Variants in UNC80 observed in about 807,000 individuals in gnomAD.
UNC80 encodes protein unc-80 homolog.
Under a neutral mutation model 384.6 loss-of-function variants are expected in UNC80, and 164 were observed. The ratio of observed to expected loss-of-function variants is 0.43; its 90% CI spans 0.38 to 0.49. The LOEUF (loss-of-function observed/expected upper bound fraction) is 0.49, where lower values mean the gene tolerates loss of function less well. Among genes scored for constraint, UNC80 ranks in the 20% least tolerant of loss-of-function variants. UNC80 has a pLI of 0.00. For missense variants in UNC80, 3,330 were observed against 4,143.0 expected (o/e 0.80, Z 5.39); for synonymous variants, 1,486 against 1,527.8 (o/e 0.97, Z 0.64).
In UNC80 at chr2:209,935,826, C is replaced by T. The variant is rs1415320238; in HGVS notation, c.6273+18C>T. The stretch of plus-strand genomic sequence containing the variant: ...TGTTGAAGGTAGGAATGACTTTTAA[C>T]AGAAACAATTTTTAAGGACAATGCT... On this transcript the variant is annotated intron_variant, in intron 40 of 64. Coordinates refer to ENST00000673920, the MANE Select transcript of UNC80 (RefSeq NM_001371986.1). 5 of 1,494,168 alleles carry T rather than the reference C, an allele frequency of 3.3e-6. No individual in the cohort carries two copies. In the Admixed American group the frequency reaches 8.6e-5, roughly 26 times the overall value. The allele number at this position is 1,494,168 out of a possible 1,614,324, so 92.6% of individuals were successfully genotyped here. A position where few individuals can be genotyped will look rare whatever the true frequency, so the allele number is the denominator to read the frequency against.
chr2:209,809,591 TC>T, intron 7 of UNC80: 1 of 757,140 alleles, frequency 1.3e-6, no homozygotes. Flanking sequence ...CCCTAGAGGC[TC>T]CCTCTTCCTC....
intron 47 of UNC80, among the ~76,000 whole-genome samples, chr2:209,948,002 G>GTT (rs2091988877): frequency 6.6e-6 from 1 of 152,026 alleles, no homozygotes; most frequent in African/African-American, 2.4e-5. Context: ...ATAAATGTGT[G>GTT]TAACAGTAGT....
chr2:209,778,688 C>T (rs1476440454), intron 4 of UNC80, among the ~76,000 whole-genome samples: 1 of 152,070 alleles, frequency 6.6e-6, no homozygotes, highest in Non-Finnish European at 1.5e-5. Flanking sequence ...CACTGCAGTT[C>T]CAATGCATGA....
Position 209,937,523 on chromosome 2 carries a change from A to C in UNC80, c.6364-6A>C, listed in dbSNP as rs2091332344. The C allele has an allele frequency of 2.6e-6, 4 of 1,545,558 alleles. No homozygotes were observed. The highest frequency in any genetic ancestry group is 2.6e-6 in the Non-Finnish European group (3 of 1,141,480). ...TTTTTTTTGTCTCTTTATGTAATCC[A>C]CACAGACCTATGTTCGAGATATTTA... On this transcript the variant is annotated splice_polypyrimidine_tract_variant and splice_region_variant and intron_variant, in intron 41 of 64. Transcript: ENST00000673920.
intron 21 of UNC80, among the ~76,000 whole-genome samples, chr2:209,845,494 C>T (rs1239333526): frequency 3.9e-5 from 6 of 152,158 alleles, no homozygotes; most frequent in South Asian, 2.1e-4. Flanking sequence ...ACGATTCCTA[C>T]GGATTTTAGC....
At chr2:209,865,280 A>G (rs1025834039) in intron 22 of UNC80, among the ~76,000 whole-genome samples, 6 of 151,808 alleles carry the variant, frequency 4.0e-5, no homozygotes, top group Non-Finnish European at 8.8e-5. Flanking sequence ...TAGTCCATCA[A>G]TGAATTCCTT....
Position 209,839,893 on chromosome 2 carries a change from G to C in UNC80, c.3250+463G>C, listed in dbSNP as rs2081612558. Among the ~76,000 whole-genome samples the C allele has an allele frequency of 6.6e-6, 1 of 152,166 alleles. No individual in the cohort carries two copies. Among genetic ancestry groups the C allele is most frequent in the Non-Finnish European group, 1.5e-5 (1 of 68,028 alleles). On this transcript the variant is annotated intron_variant, in intron 19 of 64. Transcript: ENST00000673920. The surrounding 1 kb of genome is among the most constrained non-coding windows in gnomAD (Gnocchi z 4.1). ...GCATTAAGATCTCCGGGATACTTGG[G>C]AGAAGGAAGGAGAGCACTCCAGGTA...
At chr2:209,779,656 T>G (rs1367043586) in intron 4 of UNC80, among the ~76,000 whole-genome samples, 2 of 152,196 alleles carry the variant, frequency 1.3e-5, no homozygotes, top group African/African-American at 4.8e-5. Context: ...AGACTCTCAA[T>G]AAATATTTAA....
In UNC80 at chr2:209,967,568, C is replaced by T. The variant is rs1041120386; in HGVS notation, c.7937C>T (p.Pro2646Leu). ...ITDWTAEAVR[P>L]ALILILKRLD... ...GACTGGACAGCTGAGGCAGTGAGGC[C>T]GGCCCTCATCCTCATTTTAAAAAGA... Residue 2646 changes from proline (P) to leucine (L), a missense_variant, in exon 52 of 65, where the codon CCG becomes CTG. Coordinates refer to ENST00000673920, the MANE Select transcript of UNC80 (RefSeq NM_001371986.1). 1.2e-5 allele frequency: 19 copies of T among 1,551,436 alleles called. No homozygotes were observed. Among genetic ancestry groups the T allele is most frequent in the African/African-American group, 5.5e-5 (4 of 72,990 alleles).
intron 30 of UNC80, among the ~76,000 whole-genome samples, chr2:209,913,214 C>A (rs1186002516): frequency 6.6e-6 from 1 of 152,090 alleles, no homozygotes; most frequent in East Asian, 1.9e-4. Flanking sequence ...TGTTCTCCCC[C>A]CCAAAAAAAT....
intron 30 of UNC80, among the ~76,000 whole-genome samples, chr2:209,913,513 T>C (rs910759358): frequency 1.3e-5 from 2 of 152,218 alleles, no homozygotes; most frequent in Admixed American, 1.3e-4. Context: ...CTGGAGTCTT[T>C]CTTTTCTTGT....
At chr2:209,857,140 T>C (rs1574764646) in intron 22 of UNC80, among the ~76,000 whole-genome samples, 1 of 152,252 alleles carries the variant, frequency 6.6e-6, no homozygotes, top group South Asian at 2.1e-4. Context: ...ACCTACTCTG[T>C]ATTAATAGTT....
At chr2:209,954,618 T>C (rs2092331468) in intron 48 of UNC80, among the ~76,000 whole-genome samples, 1 of 152,220 alleles carries the variant, frequency 6.6e-6, no homozygotes, top group East Asian at 1.9e-4. Context: ...AAAGATGTAA[T>C]CTACATTTTT....
In UNC80 at chr2:209,866,527, C is replaced by T. The variant is rs13382809; in HGVS notation, c.3628-6231C>T. Reference sequence around the variant, plus strand: ...ACACACACACACACACACACACACACACACACAGAGAGAGAGAGAGAGAGA... The same window carrying T: ...ACACACACACACACACACACACACATACACACAGAGAGAGAGAGAGAGAGA... On this transcript the variant is annotated intron_variant, in intron 22 of 64. Transcript: ENST00000673920. Among the ~76,000 whole-genome samples, 882 of 90,940 alleles carry T rather than the reference C, an allele frequency of 9.7e-3. 8 individuals are homozygous for T. Among genetic ancestry groups the T allele is most frequent in the Non-Finnish European group, 0.011 (457 of 42,912 alleles). 59.7% of individuals were successfully genotyped at this position (90,940 alleles called of 152,430 possible).
rs746686962 is a variant in UNC80, at chr2:209,926,969, G to A, written c.5789G>A (p.Arg1930Gln). Reference protein sequence around the residue: ...IVHLMEDGEVREDGVAVSAVA... With the variant: ...IVHLMEDGEVQEDGVAVSAVA... ...CATCTGATGGAGGATGGTGAGGTGC[G>A]GGAAGATGGAGTAGCAGGTACAGTT... The change falls in exon 36 of 65, where the codon CGG (arginine) becomes CAG (glutamine). Residue 1930 changes from arginine to glutamine, a missense_variant. Arg to Gln is a conservative substitution (Grantham distance 43). Around this residue, in one of 8 missense-constraint regions of UNC80, gnomAD observed 1,049 missense variants for 1,488.6 expected, o/e 0.70. Coordinates refer to ENST00000673920, the MANE Select transcript of UNC80 (RefSeq NM_001371986.1). The A allele has an allele frequency of 1.4e-5, 21 of 1,551,928 alleles. No homozygotes were observed. The highest frequency in any genetic ancestry group is 1.7e-4 in the Middle Eastern group (1 of 5,992).
chr2:209,833,328 A>T (rs1303617345), intron 16 of UNC80, among the ~76,000 whole-genome samples: 1 of 151,070 alleles, frequency 6.6e-6, no homozygotes, highest in East Asian at 1.9e-4. Flanking sequence ...GAGCAGAGAG[A>T]GAGGGGAAAT....
At chr2:209,780,136 A>G (rs922399771) in intron 4 of UNC80, among the ~76,000 whole-genome samples, 1 of 152,196 alleles carries the variant, frequency 6.6e-6, no homozygotes, top group African/African-American at 2.4e-5. Context: ...ATTATGTATT[A>G]TTAGTAGAAA....
intron 2 of UNC80, among the ~76,000 whole-genome samples, chr2:209,773,841 A>G (rs2076719582): frequency 6.6e-6 from 1 of 152,242 alleles, no homozygotes; most frequent in Non-Finnish European, 1.5e-5. Context: ...ATAATATAAA[A>G]TAATTGTGAA....
chr2:209,910,649 C>CAT (rs2088816553), intron 29 of UNC80, among the ~76,000 whole-genome samples: 1 of 104,362 alleles, frequency 9.6e-6, no homozygotes, highest in Non-Finnish European at 1.9e-5. Flanking sequence ...AAATGCTCAT[C>CAT]TTTTTTTTTT....
Sources: gnomAD v4.1 joint callset for allele counts (sites outside exome capture counted in the v4.1 genomes callset) on GRCh38, gnomAD v4.1.1 for gene constraint, gnomAD v4.1.1 regional missense constraint, Gnocchi (gnomAD v3.1) non-coding constraint, MANE v1.5 for transcripts, NCBI Gene and HGNC (gene_info 2026-07-23, HGNC 2026-07-21) for gene names.